RARB: variants seen among roughly 807,000 people sequenced by gnomAD.
The protein encoded by RARB is retinoic acid receptor beta.
RARB carries 17 observed loss-of-function variants against 51.9 expected under a neutral mutation model. The ratio of observed to expected loss-of-function variants is 0.33; its 90% confidence interval spans 0.22 to 0.49. RARB has a LOEUF of 0.49. RARB is among the 20% of genes least tolerant of loss of function. RARB has a pLI of 0.99. For synonymous variants in RARB, 215 were observed against 195.4 expected (o/e 1.10, Z -0.84); for missense variants, 369 against 550.8 (o/e 0.67, Z 3.30).
intron 5 of RARB, among the ~76,000 whole-genome samples, chr3:25,293,984 A>C (rs1275810565): frequency 6.6e-6 from 1 of 152,176 alleles, no homozygotes; most frequent in East Asian, 1.9e-4. Flanking sequence ...ACTTTGAATA[A>C]GCCTTCTTAG....
chr3:24,882,630 T>C (rs1703190036), intron 2 of RARB, among the ~76,000 whole-genome samples: 1 of 151,980 alleles, frequency 6.6e-6, no homozygotes, highest in South Asian at 2.1e-4. Flanking sequence ...TGGTATTTTG[T>C]GGTGTATTTA....
At chr3:25,201,034 G>C (rs1027964496) in intron 5 of RARB, among the ~76,000 whole-genome samples, 4 of 152,300 alleles carry the variant, frequency 2.6e-5, no homozygotes, top group African/African-American at 7.2e-5. Context: ...ACCTTGGGCA[G>C]TATGGCCATT....
chr3:25,064,215 C>G (rs758697807), intron 3 of RARB, among the ~76,000 whole-genome samples: 1 of 152,058 alleles, frequency 6.6e-6, no homozygotes, highest in African/African-American at 2.4e-5. Flanking sequence ...AGATTGCCAT[C>G]TCAACAAAAT....
intron 2 of RARB, among the ~76,000 whole-genome samples, chr3:24,891,900 G>GC (rs767507223): frequency 6.6e-6 from 1 of 152,090 alleles, no homozygotes; most frequent in Non-Finnish European, 1.5e-5. Context: ...ACTTTCCTAA[G>GC]CCCCCCTTGA....
At chr3:25,480,281 C>T (rs1696161694) in intron 2 of RARB, among the ~76,000 whole-genome samples, 1 of 152,176 alleles carries the variant, frequency 6.6e-6, no homozygotes, top group Non-Finnish European at 1.5e-5. Flanking sequence ...GTGCCAAGAG[C>T]ACGTATCTAG....
At chr3:24,969,964 C>T (rs1028620560) in intron 2 of RARB, among the ~76,000 whole-genome samples, 1 of 151,908 alleles carries the variant, frequency 6.6e-6, no homozygotes, top group East Asian at 1.9e-4. Flanking sequence ...CACTATATAC[C>T]ACGACCGAAT....
intron 4 of RARB, among the ~76,000 whole-genome samples, chr3:25,146,002 T>TAA (rs34124476): frequency 0.028 from 4,170 of 146,504 alleles, 113 homozygotes; most frequent in African/African-American, 0.072. Context: ...AAACTTCATC[T>TAA]AAAAAAAAAA....
intron 5 of RARB, among the ~76,000 whole-genome samples, chr3:25,402,434 C>G (rs1018144626): frequency 1.3e-5 from 2 of 152,210 alleles, no homozygotes; most frequent in East Asian, 3.9e-4. Context: ...ACCATGTGAT[C>G]TAGCAATCCC....
chr3:24,896,247 T>C (rs184212000), intron 2 of RARB, among the ~76,000 whole-genome samples: 1 of 151,762 alleles, frequency 6.6e-6, no homozygotes, highest in Admixed American at 6.6e-5. Context: ...GGTACAGAGA[T>C]TTTTGGTGGT....
At chr3:25,198,614 T>C (rs1337176040) in intron 5 of RARB, among the ~76,000 whole-genome samples, 1 of 151,348 alleles carries the variant, frequency 6.6e-6, no homozygotes, top group African/African-American at 2.4e-5. Flanking sequence ...TAATCTGATT[T>C]AAAAAGGGAC....
intron 5 of RARB, among the ~76,000 whole-genome samples, chr3:25,339,429 T>C (rs1705157266): frequency 6.6e-6 from 1 of 152,200 alleles, no homozygotes; most frequent in South Asian, 2.1e-4. Flanking sequence ...ACCTCACTTC[T>C]GTTTTCGGAA....
At chr3:25,006,743 C>G (rs528027293) in intron 2 of RARB, among the ~76,000 whole-genome samples, 37 of 152,276 alleles carry the variant, frequency 2.4e-4, no homozygotes, top group African/African-American at 8.4e-4. Context: ...TTTGAATCCA[C>G]TCTGTTCCTC....
intron 4 of RARB, among the ~76,000 whole-genome samples, chr3:25,148,465 CTT>C (rs552532503): frequency 2.7e-3 from 408 of 152,250 alleles, no homozygotes; most frequent in South Asian, 4.4e-3. Flanking sequence ...AGAAATATCT[CTT>C]TTAAGGGTTT....
intron 3 of RARB, among the ~76,000 whole-genome samples, chr3:25,109,825 C>T (rs976350411): frequency 2.0e-5 from 3 of 152,178 alleles, no homozygotes; most frequent in African/African-American, 2.4e-5. Context: ...TTCCAACACT[C>T]TCAGAAACAG....
intron 2 of RARB, among the ~76,000 whole-genome samples, chr3:24,917,676 G>A (rs575852636): frequency 3.9e-5 from 6 of 152,270 alleles, no homozygotes; most frequent in South Asian, 2.1e-4. Context: ...GACTACAGGC[G>A]TGTGCCATGC....
chr3:25,505,452 A>G (rs1265666646), intron 3 of RARB, among the ~76,000 whole-genome samples: 2 of 152,226 alleles, frequency 1.3e-5, no homozygotes. Context: ...TTTAATTTTT[A>G]TAGATCAAAT....
At chr3:25,042,306 GTTTA>G (rs913662993) in intron 2 of RARB, among the ~76,000 whole-genome samples, 50 of 152,314 alleles carry the variant, frequency 3.3e-4, no homozygotes, top group African/African-American at 1.2e-3. Flanking sequence ...AAAGCACAGT[GTTTA>G]TTTCAGTGGT....
intron 1 of RARB, among the ~76,000 whole-genome samples, chr3:24,852,934 C>G (rs1466320116): frequency 6.6e-6 from 1 of 152,036 alleles, no homozygotes; most frequent in Non-Finnish European, 1.5e-5. Context: ...CTGCAGAACT[C>G]TAAATTTACT....
chr3:25,119,042 A>AT (rs1699736777), intron 3 of RARB, among the ~76,000 whole-genome samples: 2 of 152,196 alleles, frequency 1.3e-5, no homozygotes, highest in Non-Finnish European at 2.9e-5. Context: ...TTCCATTAAA[A>AT]TTTTTACCAA....
Sources: gnomAD v4.1 joint callset for allele counts (sites outside exome capture counted in the v4.1 genomes callset) on GRCh38, gnomAD v4.1.1 for gene constraint, MANE v1.5 for transcripts, NCBI Gene and HGNC (gene_info 2026-07-23, HGNC 2026-07-21) for gene names.